Variants in ABTB3 observed in about 807,000 individuals in gnomAD.
ABTB3 encodes ankyrin repeat- and BTB/POZ domain-containing protein 3.
the ABTB3 span, among the ~76,000 whole-genome samples, chr12:107,444,014 C>T: frequency 4.6e-5 from 7 of 152,166 alleles, no homozygotes; most frequent in African/African-American, 7.2e-5. Context: ...GCCTCAGCTT[C>T]GAGTCTCCAG....
chr12:107,370,962 C>T, the ABTB3 span, among the ~76,000 whole-genome samples: 1 of 151,948 alleles, frequency 6.6e-6, no homozygotes, highest in Non-Finnish European at 1.5e-5. Flanking sequence ...TACTATACGG[C>T]AGCCCTCAGA....
At chr12:107,589,782 C>T in the ABTB3 span, among the ~76,000 whole-genome samples, 1 of 152,194 alleles carries the variant, frequency 6.6e-6, no homozygotes, top group Non-Finnish European at 1.5e-5. Context: ...AAATAAGTTG[C>T]CTTGATTGTG....
the ABTB3 span, among the ~76,000 whole-genome samples, chr12:107,379,324 C>G: frequency 6.6e-6 from 1 of 152,074 alleles, no homozygotes; most frequent in Non-Finnish European, 1.5e-5. Flanking sequence ...CCCATAATCC[C>G]CACGTGTCAT....
chr12:107,439,522 G>A, the ABTB3 span, among the ~76,000 whole-genome samples: 1 of 152,142 alleles, frequency 6.6e-6, no homozygotes, highest in African/African-American at 2.4e-5. Context: ...AACCACACAG[G>A]TAGGGCTGAG....
At chr12:107,371,710 A>C in the ABTB3 span, among the ~76,000 whole-genome samples, 133 of 152,296 alleles carry the variant, frequency 8.7e-4, no homozygotes, top group African/African-American at 3.1e-3. Flanking sequence ...TTTATGTTAA[A>C]TGTGAAGAGG....
the ABTB3 span, among the ~76,000 whole-genome samples, chr12:107,396,098 C>T: frequency 1.3e-5 from 2 of 152,216 alleles, no homozygotes; most frequent in Non-Finnish European, 2.9e-5. Context: ...AGTGCAGGAC[C>T]CACAGGAAAT....
chr12:107,522,005 G>T, the ABTB3 span, among the ~76,000 whole-genome samples: 3 of 152,004 alleles, frequency 2.0e-5, no homozygotes, highest in African/African-American at 7.2e-5. Flanking sequence ...GGTTCTAGGG[G>T]CTGGGAAGTC....
chr12:107,589,395 C>G, the ABTB3 span, among the ~76,000 whole-genome samples: 1 of 152,216 alleles, frequency 6.6e-6, no homozygotes, highest in Non-Finnish European at 1.5e-5. Flanking sequence ...CTGGGGCTGT[C>G]TGGCTTGGGA....
the ABTB3 span, among the ~76,000 whole-genome samples, chr12:107,653,529 A>AG: frequency 7.0e-6 from 1 of 142,622 alleles, no homozygotes; most frequent in Admixed American, 7.1e-5. Context: ...AAAAAAAAAA[A>AG]GAAAGAAAGA....
chr12:107,615,287 AG>A, the ABTB3 span: 4 of 689,644 alleles, frequency 5.8e-6, no homozygotes, highest in Non-Finnish European at 9.9e-6. Flanking sequence ...AATTCAATAT[AG>A]TATATTCATA....
chr12:107,630,718 C>A, the ABTB3 span, among the ~76,000 whole-genome samples: 95 of 152,126 alleles, frequency 6.2e-4, 1 homozygote, highest in Admixed American at 2.0e-4. Context: ...TATAGGCATG[C>A]ACCACCACAC....
At chr12:107,494,912 G>A in the ABTB3 span, among the ~76,000 whole-genome samples, 1 of 152,162 alleles carries the variant, frequency 6.6e-6, no homozygotes, top group African/African-American at 2.4e-5. Flanking sequence ...CAGTCCCCCT[G>A]GAGCCTGCAA....
the ABTB3 span, among the ~76,000 whole-genome samples, chr12:107,633,847 C>G: frequency 6.6e-6 from 1 of 152,244 alleles, no homozygotes; most frequent in Non-Finnish European, 1.5e-5. Flanking sequence ...CTGGGCCTCA[C>G]TCCCAGGGTT....
the ABTB3 span, among the ~76,000 whole-genome samples, chr12:107,482,637 T>G: frequency 6.6e-6 from 1 of 152,024 alleles, no homozygotes; most frequent in Admixed American, 6.6e-5. Context: ...AGTCTGCCCA[T>G]GATCCCCTTC....
At chr12:107,462,359 G>T in the ABTB3 span, among the ~76,000 whole-genome samples, 2 of 152,180 alleles carry the variant, frequency 1.3e-5, no homozygotes, top group Admixed American at 6.5e-5. Context: ...GGAAGTAAAA[G>T]CTTCCCTGGA....
chr12:107,612,672 C>A, the ABTB3 span: 1 of 1,090,422 alleles, frequency 9.2e-7, no homozygotes, highest in Non-Finnish European at 1.3e-6. Flanking sequence ...CATGCCGGAG[C>A]ACAAGCATGG....
At chr12:107,318,997 C>G in the ABTB3 span, 1 of 1,613,710 alleles carries the variant, frequency 6.2e-7, no homozygotes. Flanking sequence ...TGACGCTGGA[C>G]TCGGGTTATG....
At chr12:107,369,988 C>T in the ABTB3 span, among the ~76,000 whole-genome samples, 4 of 152,070 alleles carry the variant, frequency 2.6e-5, no homozygotes, top group Admixed American at 6.6e-5. Context: ...TCTGAGCCTC[C>T]GTTTCTACAT....
At chr12:107,630,219 C>G in the ABTB3 span, among the ~76,000 whole-genome samples, 1 of 152,218 alleles carries the variant, frequency 6.6e-6, no homozygotes, top group Non-Finnish European at 1.5e-5. Flanking sequence ...TAATCCTCTG[C>G]ACAATGTCCA....
Sources: gnomAD v4.1 joint callset for allele counts (sites outside exome capture counted in the v4.1 genomes callset) on GRCh38, gnomAD v4.1.1 for gene constraint, MANE v1.5 for transcripts, NCBI Gene and HGNC (gene_info 2026-07-23, HGNC 2026-07-21) for gene names.